Variants in SLC25A31 observed in about 807,000 individuals in gnomAD.
SLC25A31 encodes ADP/ATP translocase 4.
Under a neutral mutation model 36.2 loss-of-function variants are expected in SLC25A31, and 40 were observed. That is an observed-to-expected ratio of 1.10 (90% CI 0.86 to 1.44). SLC25A31 has a LOEUF of 1.44. Ranked by LOEUF, SLC25A31 falls within the 40% of genes most tolerant of loss-of-function variation. The pLI is 0.00. For synonymous variants in SLC25A31, 143 were observed against 149.7 expected (o/e 0.96, Z 0.32); for missense variants, 350 against 397.1 (o/e 0.88, Z 1.01).
intron 2 of SLC25A31, among the ~76,000 whole-genome samples, chr4:127,749,511 C>G (rs139994530): frequency 2.2e-4 from 34 of 152,026 alleles, no homozygotes; most frequent in African/African-American, 8.2e-4. Context: ...TTTTGGAAGC[C>G]GAGCCAGGCG....
intron 1 of SLC25A31, among the ~76,000 whole-genome samples, chr4:127,743,243 A>C (rs574299072): frequency 6.8e-6 from 1 of 147,670 alleles, no homozygotes; most frequent in African/African-American, 2.6e-5. Context: ...AAATCCTCCT[A>C]CTTCAGCCTC....
chr4:127,763,413 A>G (rs545261406), intron 2 of SLC25A31, among the ~76,000 whole-genome samples: 62 of 152,350 alleles, frequency 4.1e-4, no homozygotes, highest in Admixed American at 1.1e-3. Flanking sequence ...TGACTAGCAT[A>G]TTATTCACTT....
rs140557219 is a variant in SLC25A31, at chr4:127,768,891, T to C, written c.759+14T>C. The C allele has an allele frequency of 3.0e-4, 480 of 1,580,550 alleles. 2 individuals carry two copies. In the East Asian group the frequency reaches 9.1e-3, roughly 30 times the overall value. On this transcript the variant is annotated intron_variant, in intron 5 of 5. Transcript: ENST00000281154. ...ATGATGATGCAGGTATTTTATGTTA[T>C]TGTTTCTAAGCTTAGTTGAGTTTTT...
At position 127,744,818 on chromosome 4, in the gene SLC25A31, T is replaced by C; in HGVS notation, c.360+19T>C. On this transcript the variant is annotated intron_variant, in intron 2 of 5. Transcript: ENST00000281154. ...AAAACAGGTAATTATATTTTTTTTT[T>C]ACTTTTTTCTTCCAATATAGAAATT... is the stretch of plus-strand genomic sequence containing the variant. The C allele has an allele frequency of 3.5e-6, 5 of 1,418,010 alleles. No homozygotes were observed. Among genetic ancestry groups the C allele is most frequent in the Non-Finnish European group, 4.7e-6 (5 of 1,056,112 alleles). The allele number at this position is 1,418,010 out of a possible 1,614,324, so 87.8% of individuals were successfully genotyped here.
At chr4:127,748,151 A>T (rs1477773784) in intron 2 of SLC25A31, among the ~76,000 whole-genome samples, 4 of 152,200 alleles carry the variant, frequency 2.6e-5, no homozygotes, top group Non-Finnish European at 5.9e-5. Context: ...CATACAGCTT[A>T]GTCCAAAACC....
chr4:127,761,386 G>A (rs911984607), intron 2 of SLC25A31, among the ~76,000 whole-genome samples: 21 of 152,142 alleles, frequency 1.4e-4, no homozygotes, highest in African/African-American at 4.8e-4. Flanking sequence ...TGGTTGATGT[G>A]CTTGGTTTTC....
chr4:127,735,880 A>ATTTTTTTTTT (rs1345012855), intron 1 of SLC25A31, among the ~76,000 whole-genome samples: 1 of 70,030 alleles, frequency 1.4e-5, no homozygotes, highest in Non-Finnish European at 2.8e-5. Context: ...TTATTTATTT[A>ATTTTTTTTTT]TTTATTTATT....
intron 2 of SLC25A31, among the ~76,000 whole-genome samples, chr4:127,752,924 C>A (rs888248480): frequency 9.2e-5 from 14 of 152,114 alleles, no homozygotes; most frequent in South Asian, 2.1e-4. Context: ...ACATTCTATC[C>A]AAAACCTGCA....
At chr4:127,735,869 T>TATTATTATTATTATTA (rs1369691108) in intron 1 of SLC25A31, among the ~76,000 whole-genome samples, 1 of 87,692 alleles carries the variant, frequency 1.1e-5, no homozygotes, top group Admixed American at 1.6e-4. Context: ...ATTCTTTTAT[T>TATTATTATTATTATTA]TTATTTATTT....
intron 2 of SLC25A31, among the ~76,000 whole-genome samples, chr4:127,745,608 T>G (rs565294162): frequency 6.6e-6 from 1 of 152,300 alleles, no homozygotes; most frequent in Admixed American, 6.5e-5. Context: ...TGTTGCTGCC[T>G]CCTTAAATTT....
intron 1 of SLC25A31, among the ~76,000 whole-genome samples, chr4:127,732,066 C>CT (rs1409453322): frequency 6.6e-6 from 1 of 152,090 alleles, no homozygotes; most frequent in Non-Finnish European, 1.5e-5. Context: ...CCCAAGTTAG[C>CT]TAAAGGGATA....
At chr4:127,733,278 G>A (rs1197654906) in intron 1 of SLC25A31, among the ~76,000 whole-genome samples, 1 of 152,176 alleles carries the variant, frequency 6.6e-6, no homozygotes, top group Non-Finnish European at 1.5e-5. Context: ...TTGAGTATCC[G>A]AAAAGCTTGG....
At chr4:127,766,817 ATACTT>A (rs1482334079) in intron 3 of SLC25A31, among the ~76,000 whole-genome samples, 1 of 152,240 alleles carries the variant, frequency 6.6e-6, no homozygotes, top group African/African-American at 2.4e-5. Flanking sequence ...CTTTAATAAA[ATACTT>A]TAAGGCAGGT....
intron 2 of SLC25A31, 65 bp downstream of exon 2, chr4:127,744,864 C>A: frequency 8.4e-7 from 1 of 1,194,838 alleles, no homozygotes; most frequent in South Asian, 2.0e-5. Context: ...TATAAATTTC[C>A]CATCCAATGT....
At chr4:127,760,855 T>C (rs986718286) in intron 2 of SLC25A31, among the ~76,000 whole-genome samples, 3 of 152,126 alleles carry the variant, frequency 2.0e-5, no homozygotes, top group South Asian at 2.1e-4. Context: ...CTGGCTAACA[T>C]GGTGAAACCC....
At chr4:127,738,797 G>T (rs1425550581) in intron 1 of SLC25A31, among the ~76,000 whole-genome samples, 1 of 152,024 alleles carries the variant, frequency 6.6e-6, no homozygotes, top group Non-Finnish European at 1.5e-5. Context: ...CAAATGTTGG[G>T]TATGTATATA....
chr4:127,767,210 A>G lies in SLC25A31; in HGVS notation c.623A>G (p.Asp208Gly). ...CGAGCCTCTTATTTTGGAGCTTATGACACAGTTAAGGTAATCTGGGGGCTT... is the reference window on the plus strand; with the variant it reads ...CGAGCCTCTTATTTTGGAGCTTATGGCACAGTTAAGGTAATCTGGGGGCTT... ...VYRASYFGAY[D>G]TVKGLLPKPK... The change falls in exon 4 of 6, where the codon GAC (aspartate) becomes GGC (glycine). Residue 208 changes from aspartate to glycine, a missense_variant. Asp to Gly is a moderately conservative substitution (Grantham distance 94). Transcript: ENST00000281154. The G allele has an allele frequency of 6.3e-7, 1 of 1,596,700 alleles. No individual in the cohort carries two copies. Among genetic ancestry groups the G allele is most frequent in the Non-Finnish European group, 8.5e-7 (1 of 1,171,650 alleles).
intron 1 of SLC25A31, among the ~76,000 whole-genome samples, chr4:127,744,362 T>TA (rs1437164951): frequency 6.6e-6 from 1 of 152,238 alleles, no homozygotes; most frequent in Non-Finnish European, 1.5e-5. Context: ...GCCTTAGGGT[T>TA]ACTAGCCTCT....
intron 5 of SLC25A31, 65 bp from the exon 6 acceptor site, chr4:127,773,320 AT>A: frequency 7.0e-7 from 1 of 1,437,988 alleles, no homozygotes; most frequent in Non-Finnish European, 9.5e-7. Context: ...CTTAGTGCTA[AT>A]AGAAGACTGT....
Sources: gnomAD v4.1 joint callset for allele counts (sites outside exome capture counted in the v4.1 genomes callset) on GRCh38, gnomAD v4.1.1 for gene constraint, MANE v1.5 for transcripts, NCBI Gene and HGNC (gene_info 2026-07-23, HGNC 2026-07-21) for gene names.